ASIC2: variants seen among roughly 807,000 people sequenced by gnomAD.
ASIC2 encodes acid-sensing ion channel 2.
In ASIC2, 25 loss-of-function variants were observed where a neutral mutation model predicts 57.3. That is an observed-to-expected ratio of 0.44 (90% CI 0.32 to 0.61). The LOEUF (loss-of-function observed/expected upper bound fraction) is 0.61, where lower values mean the gene tolerates loss of function less well. Among genes scored for constraint, ASIC2 ranks in the 20% least tolerant of loss-of-function variants. The probability of loss-of-function intolerance (pLI) is 0.06; values close to 1 mark genes in which losing one functional copy is unlikely to be tolerated. For synonymous variants in ASIC2, 319 were observed against 307.5 expected (o/e 1.04, Z -0.39); for missense variants, 641 against 738.1 (o/e 0.87, Z 1.52).
At chr17:33,746,444 GTGTATATATGTGTGTATA>G (rs1370228036) in intron 1 of ASIC2, among the ~76,000 whole-genome samples, 1 of 48,418 alleles carries the variant, frequency 2.1e-5, no homozygotes, top group Non-Finnish European at 8.5e-5. Context: ...ATGTATATAT[GTGTATATATGTGTGTATA>G]TGTGTATATG....
At chr17:33,470,052 G>T (rs1362067682) in intron 1 of ASIC2, among the ~76,000 whole-genome samples, 1 of 152,110 alleles carries the variant, frequency 6.6e-6, no homozygotes, top group Non-Finnish European at 1.5e-5. Context: ...ACTGAAATGG[G>T]GAACATGCAT....
chr17:33,919,965 A>T (rs1189020156), intron 1 of ASIC2, among the ~76,000 whole-genome samples: 2 of 152,188 alleles, frequency 1.3e-5, no homozygotes, highest in African/African-American at 2.4e-5. Flanking sequence ...CAAAACCACA[A>T]TGAGATACCA....
chr17:34,139,092 T>A (rs9895553), intron 1 of ASIC2, among the ~76,000 whole-genome samples: 111,862 of 152,052 alleles, frequency 0.74, 41,217 homozygotes, highest in South Asian at 0.81. Flanking sequence ...TAGCACAAAC[T>A]GAATGTTTAA....
intron 1 of ASIC2, among the ~76,000 whole-genome samples, chr17:33,350,493 A>G (rs1908119755): frequency 6.6e-6 from 1 of 152,126 alleles, no homozygotes; most frequent in Admixed American, 6.5e-5. Flanking sequence ...CAGCCTGGCC[A>G]ACAGGACGAA....
intron 1 of ASIC2, among the ~76,000 whole-genome samples, chr17:33,382,863 T>C (rs1909538131): frequency 6.6e-6 from 1 of 152,216 alleles, no homozygotes; most frequent in South Asian, 2.1e-4. Context: ...AGCCTTGTTT[T>C]CTACTTACCC....
chr17:33,662,662 A>AATAAATAAATAAATAAATAAATAC (rs1907317360), intron 1 of ASIC2, among the ~76,000 whole-genome samples: 1 of 99,120 alleles, frequency 1.0e-5, no homozygotes, highest in Non-Finnish European at 2.3e-5. Flanking sequence ...TAAATAAATA[A>AATAAATAAATAAATAAATAAATAC]ATAAATAAGT....
intron 1 of ASIC2, among the ~76,000 whole-genome samples, chr17:33,612,979 G>A (rs1449585846): frequency 6.6e-6 from 1 of 152,194 alleles, no homozygotes; most frequent in East Asian, 1.9e-4. Flanking sequence ...GACCATCTGA[G>A]CAGACAATGC....
chr17:33,800,274 C>T (rs1347539446), intron 1 of ASIC2, among the ~76,000 whole-genome samples: 1 of 152,128 alleles, frequency 6.6e-6, no homozygotes, highest in Non-Finnish European at 1.5e-5. Flanking sequence ...GGAATGCACA[C>T]CCCCTTTTGC....
chr17:34,105,955 G>T (rs1911035531), intron 1 of ASIC2, among the ~76,000 whole-genome samples: 1 of 151,630 alleles, frequency 6.6e-6, no homozygotes, highest in African/African-American at 2.4e-5. Flanking sequence ...TTGTAATTTT[G>T]TCATTTAACC....
intron 1 of ASIC2, among the ~76,000 whole-genome samples, chr17:33,356,852 C>A (rs946483154): frequency 5.9e-5 from 9 of 152,032 alleles, no homozygotes; most frequent in Non-Finnish European, 1.5e-5. Context: ...GGGTGTGTGT[C>A]TGTTGCTCAC....
At chr17:33,495,415 A>G (rs1391234407) in intron 1 of ASIC2, among the ~76,000 whole-genome samples, 1 of 152,142 alleles carries the variant, frequency 6.6e-6, no homozygotes, top group Non-Finnish European at 1.5e-5. Context: ...CGTTATTCTC[A>G]TCTTCTCGGA....
At chr17:34,097,251 A>C (rs914577637) in intron 1 of ASIC2, among the ~76,000 whole-genome samples, 7 of 152,160 alleles carry the variant, frequency 4.6e-5, no homozygotes, top group Non-Finnish European at 1.0e-4. Flanking sequence ...TAGTTAGAAA[A>C]GGAGGGCATA....
intron 1 of ASIC2, among the ~76,000 whole-genome samples, chr17:33,705,113 A>G (rs1239271800): frequency 3.3e-5 from 5 of 152,214 alleles, no homozygotes; most frequent in African/African-American, 1.2e-4. Flanking sequence ...TCAAATGTAG[A>G]TTAGCCAAAG....
chr17:33,774,487 C>A (rs910093914), intron 1 of ASIC2, among the ~76,000 whole-genome samples: 7 of 152,140 alleles, frequency 4.6e-5, no homozygotes, highest in African/African-American at 1.7e-4. Context: ...CACCACAGCT[C>A]ATTTCAAGAT....
intron 1 of ASIC2, among the ~76,000 whole-genome samples, chr17:33,686,896 A>T (rs943030072): frequency 6.6e-6 from 1 of 152,122 alleles, no homozygotes; most frequent in African/African-American, 2.4e-5. Flanking sequence ...ATACCAGTAG[A>T]GTTACATCAG....
chr17:33,977,732 G>C (rs974316542), intron 1 of ASIC2, among the ~76,000 whole-genome samples: 1 of 152,082 alleles, frequency 6.6e-6, no homozygotes, highest in African/African-American at 2.4e-5. Flanking sequence ...GATGTCTGTC[G>C]ATTCTACCTG....
intron 1 of ASIC2, among the ~76,000 whole-genome samples, chr17:34,130,144 A>G (rs1911907418): frequency 6.6e-6 from 1 of 152,228 alleles, no homozygotes; most frequent in Non-Finnish European, 1.5e-5. Flanking sequence ...ACTAAATTAG[A>G]GACATGAAGA....
intron 3 of ASIC2, among the ~76,000 whole-genome samples, chr17:33,075,660 C>A (rs2092086403): frequency 6.6e-6 from 1 of 152,154 alleles, no homozygotes; most frequent in Non-Finnish European, 1.5e-5. Context: ...TCCCACCAGG[C>A]CTTCTGGGGG....
chr17:33,733,766 A>C (rs953220396), intron 1 of ASIC2, among the ~76,000 whole-genome samples: 1 of 152,116 alleles, frequency 6.6e-6, no homozygotes, highest in African/African-American at 2.4e-5. Flanking sequence ...GGACCATCAC[A>C]GTAGTTACCC....
Sources: allele counts gnomAD v4.1 joint callset (sites outside exome capture counted in the v4.1 genomes callset), GRCh38; gene constraint gnomAD v4.1.1; transcripts MANE v1.5; gene names NCBI Gene and HGNC (gene_info 2026-07-23, HGNC 2026-07-21).